Variants in MYH6 observed in about 807,000 individuals in gnomAD.
MYH6 encodes the protein myosin-6.
A neutral mutation model predicts 223.2 loss-of-function variants in MYH6; 126 were observed. The ratio of observed to expected loss-of-function variants is 0.56; its 90% confidence interval spans 0.49 to 0.65. The LOEUF is 0.65. MYH6 is among the 30% of genes least tolerant of loss of function. MYH6 has a pLI of 0.00. For synonymous variants in MYH6, 978 were observed against 1,010.2 expected (o/e 0.97, Z 0.61); for missense variants, 2,040 against 2,536.4 (o/e 0.80, Z 4.20).
intron 37 of MYH6, 79 bp downstream of exon 37, chr14:23,383,146 C>T: frequency 8.0e-7 from 1 of 1,256,514 alleles, no homozygotes; most frequent in Non-Finnish European, 1.2e-6. Flanking sequence ...TTTGTCCAGG[C>T]CCCTCTGTAG....
chr14:23,405,532 G>T lies in MYH6; in HGVS notation c.345+95C>A. The T allele has an allele frequency of 6.3e-7, 1 of 1,599,546 alleles. No homozygotes were observed. Among genetic ancestry groups the T allele is most frequent in the Non-Finnish European group, 8.5e-7 (1 of 1,170,786 alleles). On this transcript the variant is annotated intron_variant, in intron 4 of 38. Transcript: ENST00000405093. This position sits in a 1 kb window ranked among gnomAD's most constrained non-coding sequence, Gnocchi z 4.7. ...GGGGGGAAGGGGACTTGGGTCCCTTGGGAGTCTCTCCCCCTCTTCTTGGGA... is the reference window on the plus strand; with the variant it reads ...GGGGGGAAGGGGACTTGGGTCCCTTTGGAGTCTCTCCCCCTCTTCTTGGGA...
chr14:23,393,425 C>A lies in MYH6; in HGVS notation c.3022G>T (p.Ala1008Ser). Reference protein sequence around the residue: ...KKALQEAHQQALDDLQVEEDK... With the variant: ...KKALQEAHQQSLDDLQVEEDK... ...TCCTCAACCTGAAGGTCATCCAGGG[C>A]CTGCTGATGGGCCTCTTGTAGAGCT... The change falls in exon 23 of 39, where the codon GCC (alanine) becomes TCC (serine). Residue 1008 changes from alanine (A) to serine (S), a missense_variant. Physicochemically the swap from Ala to Ser is moderately conservative, Grantham distance 99. Around this residue, in one of 4 missense-constraint regions of MYH6, gnomAD observed 1,203 missense variants for 1,400.2 expected, o/e 0.86. Transcript: ENST00000405093. The A allele has an allele frequency of 6.2e-7, 1 of 1,614,182 alleles. No individual in the cohort carries two copies. The highest frequency in any genetic ancestry group is 8.5e-7 in the Non-Finnish European group (1 of 1,180,034).
chr14:23,386,060 C>T lies in MYH6; in HGVS notation c.5031G>A (p.Glu1677=). Residue 1677 remains glutamate, a synonymous_variant, in exon 34 of 39, where the codon GAG becomes GAA. Coordinates refer to ENST00000405093, the MANE Select transcript of MYH6 (RefSeq NM_002471.4). ...CAGCCTGCAGCAGGTTGTTGCGCCG[C>T]TCCACGATGGCGATGTTCTCCTTCA... The part of the protein sequence containing the change: ...DDLKENIAIV[E]RRNNLLQAEL... 1 of 1,614,242 alleles carries T rather than the reference C, an allele frequency of 6.2e-7. No individual in the cohort carries two copies. Among genetic ancestry groups the T allele is most frequent in the East Asian group, 2.2e-5 (1 of 44,880 alleles).
At position 23,389,502 on chromosome 14, in the gene MYH6, G is replaced by A; in HGVS notation, c.3869C>T (p.Ala1290Val). 1 of 1,614,204 alleles carries A rather than the reference G, an allele frequency of 6.2e-7. No individual in the cohort carries two copies. The highest frequency in any genetic ancestry group is 8.5e-7 in the Non-Finnish European group (1 of 1,180,040). ...CGCCTCCTTTTCCTCTAGCTGCCGGGCCAACTCTCCTGGAGGTGAAATGAG... is the reference window on the plus strand; with the variant it reads ...CGCCTCCTTTTCCTCTAGCTGCCGGACCAACTCTCCTGGAGGTGAAATGAG... ...AKLQTENGEL[A>V]RQLEEKEALI... is the part of the protein sequence containing the mutation. Residue 1290 changes from alanine (A) to valine (V), a missense_variant, in exon 28 of 39, where the codon GCC (alanine) becomes GTC (valine). By Grantham distance (64) the Ala-to-Val change is moderately conservative. Transcript: ENST00000405093.
chr14:23,391,640 C>G (rs1419152480), intron 25 of MYH6, among the ~76,000 whole-genome samples: 1 of 152,192 alleles, frequency 6.6e-6, no homozygotes, highest in African/African-American at 2.4e-5. Flanking sequence ...CAGTCTGCCC[C>G]AAAGTGAGAG....
chr14:23,383,341 G>GGGGGGGGCCCCCCCCCCCCCCCC, intron 36 of MYH6, 21 bp from the exon 37 acceptor site: 1 of 556,568 alleles, frequency 1.8e-6, no homozygotes, highest in Non-Finnish European at 3.3e-6. Context: ...GAGGGTGGGA[G>GGGGGGGGCCCCCCCCCCCCCCCC]AAGCTGGTTT....
rs372300127 is a variant in MYH6, at chr14:23,397,556, G to A, written c.1949C>T (p.Ser650Leu). Reference sequence around the variant, plus strand: ...GGCCCTTCTTACCCGGTGGAGAGCCGACACCGTCTGGAAGGATGAGCCCTT... The same window carrying A: ...GGCCCTTCTTACCCGGTGGAGAGCCAACACCGTCTGGAAGGATGAGCCCTT... ...KKKGSSFQTVSALHRENLNKL... is the reference protein window; with the variant it reads ...KKKGSSFQTVLALHRENLNKL... The change falls in exon 16 of 39, where the codon TCG becomes TTG. Residue 650 changes from serine to leucine, a missense_variant. Physicochemically the swap from Ser to Leu is moderately radical, Grantham distance 145. This residue lies in a region of MYH6 where 649 missense variants were observed against 877.3 expected (regional missense o/e 0.74). Coordinates refer to ENST00000405093, the MANE Select transcript of MYH6 (RefSeq NM_002471.4). The A allele has an allele frequency of 5.0e-6, 8 of 1,613,988 alleles. No homozygotes were observed. The highest frequency in any genetic ancestry group is 1.1e-5 in the South Asian group (1 of 91,076).
intron 14 of MYH6, 69 bp from the exon 15 acceptor site, chr14:23,399,106 C>T: frequency 6.3e-7 from 1 of 1,583,662 alleles, no homozygotes; most frequent in Non-Finnish European, 8.7e-7. Context: ...AGTCCCATAC[C>T]CTGACAGGAA....
chr14:23,387,477 TG>T, intron 32 of MYH6, 51 bp downstream of exon 32: 1 of 1,608,098 alleles, frequency 6.2e-7, no homozygotes. Context: ...GAGGGAGAAG[TG>T]GGAGACAGCG....
At position 23,403,729 on chromosome 14, in the gene MYH6, G is replaced by A. The variant is rs767702815; in HGVS notation, c.785C>T (p.Ala262Val). The A allele has an allele frequency of 5.6e-6, 9 of 1,612,954 alleles. No individual in the cohort carries two copies. The highest frequency in any genetic ancestry group is 7.6e-6 in the Non-Finnish European group (9 of 1,179,454). Residue 262 changes from alanine (A) to valine (V), a missense_variant, in exon 9 of 39, where the codon GCA becomes GTA. Around this residue, in one of 4 missense-constraint regions of MYH6, gnomAD observed 649 missense variants for 877.3 expected, o/e 0.74. Transcript: ENST00000405093. Reference sequence around the variant, plus strand: ...CTGGTACTCACAGGTCTCTATGTCTGCAGAAGCCAGCTTTCCAGTGGCCCC... The same window carrying A: ...CTGGTACTCACAGGTCTCTATGTCTACAGAAGCCAGCTTTCCAGTGGCCCC... ...HFGATGKLASADIETYLLEKS... is the reference protein window; with the variant it reads ...HFGATGKLASVDIETYLLEKS...
Position 23,393,513 on chromosome 14 carries a change from C to T in MYH6, c.2934G>A (p.Lys978=), listed in dbSNP as rs996173054. 6.2e-7 allele frequency: 1 copy of T among 1,614,046 alleles called. No homozygotes were observed. The highest frequency in any genetic ancestry group is 8.5e-7 in the Non-Finnish European group (1 of 1,180,026). The change falls in exon 23 of 39, where the codon AAG becomes AAA. Residue 978 remains lysine, a synonymous_variant. Transcript: ENST00000405093. ...GCCCAGCCATCTCCTCTGTTAGGTT[C>T]TTCACCTGCCGACCAAAAACCCATC... ...KEKHATENKV[K]NLTEEMAGLD...
chr14:23,393,999 T>A, intron 21 of MYH6, 69 bp downstream of exon 21: 1 of 1,613,728 alleles, frequency 6.2e-7, no homozygotes, highest in Non-Finnish European at 8.5e-7. Flanking sequence ...TCCCAGTCCC[T>A]GGTTGTGAGA....
rs2138581397 is a variant in MYH6 at position 23,384,523 on chromosome 14, C to T, written c.5484G>A (p.Leu1828=). ...EARVRELEGE[L]EAEQKRNAES... The stretch of plus-strand genomic sequence containing the variant: ...CTGCGTTGCGCTTCTGCTCGGCCTC[C>T]AGCTCACCCTCCAGCTCCCGCACCC... The change falls in exon 36 of 39, where the codon CTG becomes CTA. Residue 1828 remains leucine (L), a synonymous_variant. Transcript: ENST00000405093. 1.2e-6 allele frequency: 2 copies of T among 1,613,406 alleles called. No homozygotes were observed. The highest frequency in any genetic ancestry group is 1.7e-6 in the Non-Finnish European group (2 of 1,180,052).
chr14:23,389,987 A>G, intron 26 of MYH6, 70 bp downstream of exon 26: 1 of 1,612,604 alleles, frequency 6.2e-7, no homozygotes. Flanking sequence ...GATGGCAGAC[A>G]GAGAGAGAAG....
Position 23,382,040 on chromosome 14 carries a change from T to C in MYH6, c.5820A>G (p.Ter1940TrpextTer12). The change falls in exon 39 of 39, where the codon TGA (stop) becomes TGG (tryptophan). Residue 1940 changes from the stop codon to tryptophan (W), a stop_lost. Coordinates refer to ENST00000405093, the MANE Select transcript of MYH6 (RefSeq NM_002471.4). ...CAAGAGTGAGGTTCCCGAGGCAGTG[T>C]CACTCCTCATCGTGCATTTTTTGCT... ...GAKQKMHDEE[*>W] is the part of the protein sequence containing the mutation. 2 of 1,614,170 alleles carry C rather than the reference T, an allele frequency of 1.2e-6. No homozygotes were observed. Among genetic ancestry groups the C allele is most frequent in the South Asian group, 1.1e-5 (1 of 91,086 alleles).
intron 32 of MYH6, 26 bp from the exon 33 acceptor site, chr14:23,386,649 G>GGGGGC: frequency 8.1e-7 from 1 of 1,240,136 alleles, no homozygotes; most frequent in Non-Finnish European, 1.2e-6. Flanking sequence ...GCGAGGGCGG[G>GGGGGC]CAGACAGGGC....
intron 6 of MYH6, 130 bp downstream of exon 6, chr14:23,404,970 T>C: frequency 2.6e-6 from 4 of 1,519,024 alleles, no homozygotes; most frequent in Non-Finnish European, 3.6e-6. Flanking sequence ...CTGGCACCCC[T>C]CTAATGAGAG....
chr14:23,393,432 A>G lies in MYH6; in HGVS notation c.3015T>C (p.His1005=), dbSNP rs767994028. The G allele has an allele frequency of 7.4e-6, 12 of 1,614,090 alleles. No individual in the cohort carries two copies. Among genetic ancestry groups the G allele is most frequent in the South Asian group, 3.3e-5 (3 of 91,066 alleles). The part of the protein sequence containing the change: ...TKEKKALQEA[H]QQALDDLQVE... ...CCTGAAGGTCATCCAGGGCCTGCTG[A>G]TGGGCCTCTTGTAGAGCTTTCTTCT... is the stretch of plus-strand genomic sequence containing the variant. Residue 1005 remains histidine (H), a synonymous_variant, in exon 23 of 39, where the codon CAT becomes CAC. Coordinates refer to ENST00000405093, the MANE Select transcript of MYH6 (RefSeq NM_002471.4).
At position 23,382,611 on chromosome 14, in the gene MYH6, G is replaced by A. The variant is rs779020627; in HGVS notation, c.5662-49C>T. 1.9e-6 allele frequency: 3 copies of A among 1,613,848 alleles called. No homozygotes were observed. In the African/African-American group the frequency reaches 4.0e-5, roughly 22 times the overall value. On this transcript the variant is annotated intron_variant, in intron 37 of 38. Coordinates refer to ENST00000405093, the MANE Select transcript of MYH6 (RefSeq NM_002471.4). ...GTGAATGAGCTGGAGATGGGCTATGGGATTCTCAGCCTCTCAACCTGAGGT... is the reference window on the plus strand; with the variant it reads ...GTGAATGAGCTGGAGATGGGCTATGAGATTCTCAGCCTCTCAACCTGAGGT...
Sources: gnomAD v4.1 joint callset for allele counts (sites outside exome capture counted in the v4.1 genomes callset) on GRCh38, gnomAD v4.1.1 for gene constraint, gnomAD v4.1.1 regional missense constraint, Gnocchi (gnomAD v3.1) non-coding constraint, MANE v1.5 for transcripts, NCBI Gene and HGNC (gene_info 2026-07-23, HGNC 2026-07-21) for gene names.